RXRG: variants seen among roughly 807,000 people sequenced by gnomAD.
RXRG encodes retinoic acid receptor RXR-gamma.
RXRG carries 19 observed loss-of-function variants against 49.2 expected under a neutral mutation model. That is an observed-to-expected ratio of 0.39 (90% CI 0.27 to 0.57). The LOEUF (loss-of-function observed/expected upper bound fraction) is 0.57, where lower values mean the gene tolerates loss of function less well. Among genes scored for constraint, RXRG ranks in the 20% least tolerant of loss-of-function variants. The probability of loss-of-function intolerance (pLI) is 0.64; values close to 1 mark genes in which losing one functional copy is unlikely to be tolerated. For missense variants in RXRG, 452 were observed against 592.5 expected (o/e 0.76, Z 2.46); for synonymous variants, 224 against 216.6 (o/e 1.03, Z -0.30).
Position 165,409,684 on chromosome 1 carries a change from T to A in RXRG, c.920A>T (p.Asn307Ile). ...DQVILLRAGW[N>I]ELLIASFSHR... is the part of the protein sequence containing the mutation. ...GGAGAAAGAGGCAATCAGCAATTCA[T>A]TCCACCCTGCAAGGATAAGGAGGAG... Residue 307 changes from asparagine (N) to isoleucine (I), a missense_variant, in exon 7 of 10, where the codon AAT becomes ATT. Physicochemically the swap from Asn to Ile is moderately radical, Grantham distance 149. Coordinates refer to ENST00000359842, the MANE Select transcript of RXRG (RefSeq NM_006917.5). 1 of 1,522,496 alleles carries A rather than the reference T, an allele frequency of 6.6e-7. No individual in the cohort carries two copies. The allele number at this position is 1,522,496 out of a possible 1,614,324, so 94.3% of individuals were successfully genotyped here.
chr1:165,412,449 T>C (rs1434706730), intron 4 of RXRG, among the ~76,000 whole-genome samples: 1 of 152,148 alleles, frequency 6.6e-6, no homozygotes, highest in Non-Finnish European at 1.5e-5. Context: ...GGAAAAAACC[T>C]GTGCCTTGGA....
At chr1:165,429,856 C>T (rs115937685) in intron 1 of RXRG, among the ~76,000 whole-genome samples, 1 of 152,122 alleles carries the variant, frequency 6.6e-6, no homozygotes, top group Non-Finnish European at 1.5e-5. Context: ...CCCCTGTAGT[C>T]AGTAGCAAAC....
intron 8 of RXRG, 39 bp downstream of exon 8, chr1:165,408,188 G>A (rs1336367670): frequency 1.4e-6 from 2 of 1,467,568 alleles, no homozygotes; most frequent in African/African-American, 1.4e-5. Flanking sequence ...GTGGAAGAGG[G>A]CTGAACACAC....
chr1:165,414,482 T>C (rs991272047), intron 4 of RXRG, among the ~76,000 whole-genome samples: 1 of 152,220 alleles, frequency 6.6e-6, no homozygotes, highest in Non-Finnish European at 1.5e-5. Context: ...AGAATAACTC[T>C]AGAGAAATAG....
chr1:165,405,612 G>T (rs1042093977), intron 9 of RXRG, among the ~76,000 whole-genome samples: 9 of 152,146 alleles, frequency 5.9e-5, no homozygotes, highest in South Asian at 2.1e-4. Flanking sequence ...ACACAGTATG[G>T]CTCTGGGTCA....
chr1:165,445,110 T>C lies in RXRG; in HGVS notation c.-217A>G. 1 of 572,702 alleles carries C rather than the reference T, an allele frequency of 1.7e-6. No homozygotes were observed. The allele number at this position is 572,702 out of a possible 1,614,324, so 35.5% of individuals were successfully genotyped here. A position where few individuals can be genotyped will look rare whatever the true frequency, so the allele number is the denominator to read the frequency against. Reference sequence around the variant, plus strand: ...CCACATAGTGCGTTTGAGACGGCTGTGGCGGCAGCAGCTGGTGCCTGTCAG... The same window carrying C: ...CCACATAGTGCGTTTGAGACGGCTGCGGCGGCAGCAGCTGGTGCCTGTCAG... On this transcript the variant is annotated 5_prime_UTR_variant, in exon 1 of 10. Coordinates refer to ENST00000359842, the MANE Select transcript of RXRG (RefSeq NM_006917.5).
At chr1:165,409,764 G>A (rs1657882600) in intron 6 of RXRG, 74 bp from the exon 7 acceptor site, 28 of 1,292,726 alleles carry the variant, frequency 2.2e-5, no homozygotes, top group Non-Finnish European at 2.8e-5. Context: ...CCCAAGGCAT[G>A]TACTATTATC....
chr1:165,419,324 T>C (rs1442087241), intron 3 of RXRG, among the ~76,000 whole-genome samples: 1 of 152,224 alleles, frequency 6.6e-6, no homozygotes, highest in Non-Finnish European at 1.5e-5. Context: ...TGCAGTTTTC[T>C]AGTTCGTTCA....
chr1:165,433,234 G>A (rs1221023887), intron 1 of RXRG, among the ~76,000 whole-genome samples: 1 of 152,108 alleles, frequency 6.6e-6, no homozygotes, highest in Non-Finnish European at 1.5e-5. Flanking sequence ...CTCGTGCCTT[G>A]ATCCTGAACT....
intron 1 of RXRG, among the ~76,000 whole-genome samples, chr1:165,439,129 G>A (rs550289177): frequency 1.8e-4 from 27 of 152,116 alleles, no homozygotes; most frequent in African/African-American, 6.0e-4. Context: ...CACGAATTTA[G>A]ACTGATTTTT....
At chr1:165,438,548 C>A (rs535681823) in intron 1 of RXRG, among the ~76,000 whole-genome samples, 51 of 152,176 alleles carry the variant, frequency 3.4e-4, no homozygotes, top group Non-Finnish European at 6.0e-4. Context: ...TGACAGATAA[C>A]CCAATGATTG....
chr1:165,401,923 A>G (rs1365220620), intron 9 of RXRG, among the ~76,000 whole-genome samples: 1 of 152,176 alleles, frequency 6.6e-6, no homozygotes, highest in African/African-American at 2.4e-5. Flanking sequence ...CCCACAAAAA[A>G]TCTTTTTAAG....
At chr1:165,421,561 G>A (rs908284210) in intron 2 of RXRG, among the ~76,000 whole-genome samples, 11 of 144,584 alleles carry the variant, frequency 7.6e-5, no homozygotes, top group African/African-American at 2.8e-4. Flanking sequence ...TTTTGAGACA[G>A]CTGTGTTGCC....
intron 1 of RXRG, among the ~76,000 whole-genome samples, chr1:165,436,548 C>T (rs1436154897): frequency 6.6e-6 from 1 of 152,170 alleles, no homozygotes; most frequent in Non-Finnish European, 1.5e-5. Context: ...AAGTGTCAGA[C>T]TGCACACTAT....
Position 165,406,849 on chromosome 1 carries a change from C to A in RXRG, c.1207G>T (p.Ala403Ser). ...TCCGGATACTTCTGCTTGGTGTAGG[C>A]CTCAAGGGTGGCATAAACCTTCTCT... ...LREKVYATLE[A>S]YTKQKYPEQP... Residue 403 changes from alanine (A) to serine (S), a missense_variant, in exon 9 of 10, where the codon GCC becomes TCC. Around this residue, in one of 2 missense-constraint regions of RXRG, gnomAD observed 286 missense variants for 440.9 expected, o/e 0.65. Transcript: ENST00000359842. 3 of 1,613,862 alleles carry A rather than the reference C, an allele frequency of 1.9e-6. No homozygotes were observed. Among genetic ancestry groups the A allele is most frequent in the Non-Finnish European group, 2.5e-6 (3 of 1,179,936 alleles).
intron 9 of RXRG, among the ~76,000 whole-genome samples, chr1:165,403,005 C>T (rs1262696321): frequency 2.0e-5 from 3 of 151,996 alleles, no homozygotes; most frequent in Admixed American, 6.6e-5. Context: ...CACTCACACT[C>T]TAACATGTTC....
intron 1 of RXRG, among the ~76,000 whole-genome samples, chr1:165,433,031 A>T (rs1571285859): frequency 6.6e-6 from 1 of 152,166 alleles, no homozygotes; most frequent in South Asian, 2.1e-4. Context: ...ATGCACTTAT[A>T]AGAGAGGACT....
intron 7 of RXRG, among the ~76,000 whole-genome samples, chr1:165,408,530 C>T (rs1343376780): frequency 5.3e-5 from 8 of 152,150 alleles, no homozygotes; most frequent in East Asian, 1.9e-4. Flanking sequence ...AGCAGCAGCA[C>T]GATGCCCAGG....
At position 165,406,826 on chromosome 1, in the gene RXRG, C is replaced by T. The variant is rs151269614; in HGVS notation, c.1230G>A (p.Pro410=). The T allele has an allele frequency of 3.3e-5, 53 of 1,613,400 alleles. No homozygotes were observed. The highest frequency in any genetic ancestry group is 3.9e-5 in the Non-Finnish European group (46 of 1,179,588). Residue 410 remains proline (P), a synonymous_variant, in exon 9 of 10, where the codon CCG becomes CCA. Transcript: ENST00000359842. ...TLEAYTKQKY[P]EQPGRFAKLL... ...CACTGTCTCACCTGCCTGGCTGTTCCGGATACTTCTGCTTGGTGTAGGCCT... is the reference window on the plus strand; with the variant it reads ...CACTGTCTCACCTGCCTGGCTGTTCTGGATACTTCTGCTTGGTGTAGGCCT...
Sources: gnomAD v4.1 joint callset for allele counts (sites outside exome capture counted in the v4.1 genomes callset) on GRCh38, gnomAD v4.1.1 for gene constraint, gnomAD v4.1.1 regional missense constraint, MANE v1.5 for transcripts, NCBI Gene and HGNC (gene_info 2026-07-23, HGNC 2026-07-21) for gene names.